DCLK1: variants seen among roughly 807,000 people sequenced by gnomAD.
DCLK1 encodes the protein serine/threonine-protein kinase DCLK1.
Under a neutral mutation model 86.2 loss-of-function variants are expected in DCLK1, and 16 were observed. The observed-to-expected ratio is 0.19, with a 90% confidence interval of 0.13 to 0.28. The LOEUF is 0.28. Among genes scored for constraint, DCLK1 ranks in the 10% least tolerant of loss-of-function variants. DCLK1 has a pLI of 1.00. For missense variants in DCLK1, 590 were observed against 940.2 expected, an observed-to-expected ratio of 0.63 and a Z score of 4.87; for synonymous variants, 369 against 370.5, an observed-to-expected ratio of 1.00 and a Z score of 0.05.
chr13:35,805,701 T>G lies in DCLK1; in HGVS notation c.1942A>C (p.Asn648His), dbSNP rs1421961690. Residue 648 changes from asparagine (N) to histidine (H), a missense_variant and splice_region_variant, in exon 15 of 17, where the codon AAT becomes CAT. By Grantham distance (68) the Asn-to-His change is moderately conservative. Around this residue, in one of 6 missense-constraint regions of DCLK1, gnomAD observed 146 missense variants for 190.2 expected, o/e 0.77. Coordinates refer to ENST00000360631, the MANE Select transcript of DCLK1 (RefSeq NM_001330071.2). The part of the protein sequence containing the change: ...AVQVLEHPWV[N>H]DDGLPENEHQ... ...AGGAAATGGTGCGAGTCACTTACAT[T>G]AACCCAGGGATGCTCAAGTACTTGA... 6.2e-7 allele frequency: 1 copy of G among 1,613,216 alleles called. No individual in the cohort carries two copies. Among genetic ancestry groups the G allele is most frequent in the Non-Finnish European group, 8.5e-7 (1 of 1,179,678 alleles).
At chr13:35,939,855 CA>C (rs1876981846) in intron 4 of DCLK1, among the ~76,000 whole-genome samples, 1 of 152,290 alleles carries the variant, frequency 6.6e-6, no homozygotes. Flanking sequence ...TTTAGATTTA[CA>C]AAGAGTTGTC....
intron 3 of DCLK1, among the ~76,000 whole-genome samples, chr13:35,982,429 AG>A (rs1879696205): frequency 3.1e-5 from 1 of 32,230 alleles, no homozygotes; most frequent in Non-Finnish European, 6.5e-5. Flanking sequence ...AGAGAGAGAG[AG>A]AGGGGGAGGG....
intron 3 of DCLK1, among the ~76,000 whole-genome samples, chr13:36,056,608 A>G (rs1427725405): frequency 7.7e-6 from 1 of 129,804 alleles, no homozygotes; most frequent in African/African-American, 2.8e-5. Flanking sequence ...CTAAAACTTA[A>G]AGTATAATTT....
At chr13:35,955,298 A>G (rs546157601) in intron 3 of DCLK1, among the ~76,000 whole-genome samples, 1 of 152,186 alleles carries the variant, frequency 6.6e-6, no homozygotes, top group East Asian at 1.9e-4. Flanking sequence ...GGTGGCTTGT[A>G]AACAGCAGGC....
chr13:35,893,802 A>T (rs865948855), intron 4 of DCLK1, among the ~76,000 whole-genome samples: 2 of 152,196 alleles, frequency 1.3e-5, no homozygotes, highest in Non-Finnish European at 2.9e-5. Flanking sequence ...TTAATGGTGT[A>T]TCATATTTTT....
chr13:36,000,306 A>T (rs1166926833), intron 3 of DCLK1, among the ~76,000 whole-genome samples: 1 of 152,134 alleles, frequency 6.6e-6, no homozygotes, highest in Non-Finnish European at 1.5e-5. Flanking sequence ...ACGGAAACCA[A>T]GTCAGCTATC....
chr13:35,804,634 T>C (rs995816558), intron 15 of DCLK1, among the ~76,000 whole-genome samples: 1 of 151,990 alleles, frequency 6.6e-6, no homozygotes. Flanking sequence ...CGTTTCACCA[T>C]GTTGACCAGG....
chr13:35,949,676 C>T lies in DCLK1; in HGVS notation c.724-2219G>A, dbSNP rs77171469. Among the ~76,000 whole-genome samples the T allele has an allele frequency of 3.1e-3, 474 of 152,274 alleles. 2 individuals are homozygous for T. The highest frequency in any genetic ancestry group is 0.014 in the Middle Eastern group (4 of 294). ...TACTCATCGGTGTGTGCATATTTCACGCCACTTCTATGTGGAAAAATAACC... is the reference window on the plus strand; with the variant it reads ...TACTCATCGGTGTGTGCATATTTCATGCCACTTCTATGTGGAAAAATAACC... On this transcript the variant is annotated intron_variant, in intron 3 of 16. Coordinates refer to ENST00000360631, the MANE Select transcript of DCLK1 (RefSeq NM_001330071.2).
intron 16 of DCLK1, 133 bp downstream of exon 16, chr13:35,793,233 T>G: frequency 1.8e-6 from 1 of 561,290 alleles, no homozygotes; most frequent in Non-Finnish European, 3.1e-6. Context: ...CCTCCTCTAG[T>G]GCATTAAGTG....
chr13:36,020,236 C>G (rs963334821), intron 3 of DCLK1, among the ~76,000 whole-genome samples: 1 of 152,072 alleles, frequency 6.6e-6, no homozygotes, highest in African/African-American at 2.4e-5. Context: ...CTCAAGTATT[C>G]TTTTGTAGTA....
intron 3 of DCLK1, among the ~76,000 whole-genome samples, chr13:36,055,004 G>A (rs969135451): frequency 2.6e-5 from 4 of 152,148 alleles, no homozygotes; most frequent in Non-Finnish European, 4.4e-5. Context: ...TCAAACTATG[G>A]AGAATGCAGT....
intron 12 of DCLK1, 67 bp from the exon 13 acceptor site, chr13:35,809,162 TC>T: frequency 7.5e-7 from 1 of 1,326,256 alleles, no homozygotes; most frequent in Non-Finnish European, 1.0e-6. Context: ...CTTGGTAAAA[TC>T]AATGACTTTC....
At chr13:36,085,697 G>A (rs908480865) in intron 3 of DCLK1, among the ~76,000 whole-genome samples, 3 of 152,166 alleles carry the variant, frequency 2.0e-5, no homozygotes, top group Non-Finnish European at 2.9e-5. Flanking sequence ...CAAAATTATA[G>A]TTGGGGTAGA....
chr13:35,808,190 G>T lies in DCLK1; in HGVS notation c.1863+34C>A, dbSNP rs1416624989. 6.4e-6 allele frequency: 10 copies of T among 1,566,636 alleles called. No individual in the cohort carries two copies. The South Asian group carries it at 8.9e-5, about 14-fold the overall frequency. On this transcript the variant is annotated intron_variant, in intron 14 of 16. Coordinates refer to ENST00000360631, the MANE Select transcript of DCLK1 (RefSeq NM_001330071.2). ...AAAAATAATTCCGTTAAGACACACAGAATATAGGGAAGAGGAAGGCACTGG... is the reference window on the plus strand; with the variant it reads ...AAAAATAATTCCGTTAAGACACACATAATATAGGGAAGAGGAAGGCACTGG...
chr13:35,814,614 G>A (rs2087228090), intron 11 of DCLK1, among the ~76,000 whole-genome samples: 2 of 152,176 alleles, frequency 1.3e-5, no homozygotes, highest in South Asian at 4.1e-4. Context: ...TGAAGTGGGA[G>A]TACATTAATT....
intron 16 of DCLK1, among the ~76,000 whole-genome samples, chr13:35,790,159 C>A (rs1011963475): frequency 6.6e-6 from 1 of 152,098 alleles, no homozygotes; most frequent in African/African-American, 2.4e-5. Context: ...TAATAATGTA[C>A]AGACTGTGAA....
Position 35,809,096 on chromosome 13 carries a change from C to A in DCLK1, c.1689-1G>T. ...CCAGATGTCCACCTTGAGGCCGTATCTGGAAAAATAAGGGATGTTAGAGTT... is the reference window on the plus strand; with the variant it reads ...CCAGATGTCCACCTTGAGGCCGTATATGGAAAAATAAGGGATGTTAGAGTT... On this transcript the variant is annotated splice_acceptor_variant, in intron 12 of 16. Coordinates refer to ENST00000360631, the MANE Select transcript of DCLK1 (RefSeq NM_001330071.2). LOFTEE classifies it high-confidence loss of function. 6.2e-7 allele frequency: 1 copy of A among 1,609,994 alleles called. No homozygotes were observed. The highest frequency in any genetic ancestry group is 8.5e-7 in the Non-Finnish European group (1 of 1,177,268).
At chr13:36,125,159 C>T (rs559124762) in intron 2 of DCLK1, among the ~76,000 whole-genome samples, 2 of 152,232 alleles carry the variant, frequency 1.3e-5, no homozygotes, top group East Asian at 3.9e-4. Flanking sequence ...CCTGCATATC[C>T]TCAAAAATCA....
chr13:36,030,177 T>C (rs1882212652), intron 3 of DCLK1, among the ~76,000 whole-genome samples: 1 of 152,198 alleles, frequency 6.6e-6, no homozygotes, highest in African/African-American at 2.4e-5. Flanking sequence ...CATTATTGAG[T>C]ATCTAATTCA....
Sources: allele counts gnomAD v4.1 joint callset (sites outside exome capture counted in the v4.1 genomes callset), GRCh38; gene constraint gnomAD v4.1.1; regional missense constraint gnomAD v4.1.1; transcripts MANE v1.5; gene names NCBI Gene and HGNC (gene_info 2026-07-23, HGNC 2026-07-21).